Variants in MARK3 observed in about 807,000 individuals in gnomAD.
MARK3 encodes MAP/microtubule affinity-regulating kinase 3.
Under a neutral mutation model 90.1 loss-of-function variants are expected in MARK3, and 46 were observed. The observed-to-expected ratio is 0.51, with a 90% confidence interval of 0.40 to 0.65. The LOEUF (loss-of-function observed/expected upper bound fraction) is 0.65. MARK3 is among the 30% of genes least tolerant of loss of function. The pLI, the probability that MARK3 is intolerant of heterozygous loss-of-function variation, is 0.00. For synonymous variants in MARK3, 321 were observed against 332.6 expected (o/e 0.97, Z 0.38); for missense variants, 818 against 947.2 (o/e 0.86, Z 1.79).
chr14:103,391,098 T>C (rs767126276), intron 1 of MARK3, among the ~76,000 whole-genome samples: 2 of 152,254 alleles, frequency 1.3e-5, no homozygotes, highest in Non-Finnish European at 2.9e-5. Flanking sequence ...AGGGTGATTT[T>C]GCCCTCTAGT....
Position 103,481,757 on chromosome 14 carries a change from C to CTTTTTTTTTTTTTTTT in MARK3, c.1586+1279_1586+1294dup, listed in dbSNP as rs71126030. Among the ~76,000 whole-genome samples, 85 of 49,802 alleles carry CTTTTTTTTTTTTTTTT rather than the reference C, an allele frequency of 1.7e-3. 20 individuals carry two copies. The highest frequency in any genetic ancestry group is 2.6e-3 in the African/African-American group (30 of 11,528). The allele number at this position is 49,802 out of a possible 152,430, so 32.7% of individuals were successfully genotyped here. A position where few individuals can be genotyped will look rare whatever the true frequency, so the allele number is the denominator to read the frequency against. On this transcript the variant is annotated intron_variant, in intron 14 of 17. Coordinates refer to ENST00000429436, the MANE Select transcript of MARK3 (RefSeq NM_001128918.3). ...CAGATAATGATTGATATAGGTATTT[C>CTTTTTTTTTTTTTTTT]TTTTTTTTTTTTTTTTTTTTTTTTT... is the stretch of plus-strand genomic sequence containing the variant.
chr14:103,396,703 T>A (rs1336081710), intron 1 of MARK3, among the ~76,000 whole-genome samples: 1 of 152,114 alleles, frequency 6.6e-6, no homozygotes, highest in Middle Eastern at 3.2e-3. Flanking sequence ...TCTTGGGTGG[T>A]GCCTGGCCTG....
chr14:103,431,513 C>T (rs2092581765), intron 3 of MARK3, among the ~76,000 whole-genome samples: 1 of 152,148 alleles, frequency 6.6e-6, no homozygotes, highest in Non-Finnish European at 1.5e-5. Flanking sequence ...TGCTTATAAT[C>T]CCAGCTTCTC....
intron 2 of MARK3, among the ~76,000 whole-genome samples, chr14:103,409,246 A>G (rs1032738391): frequency 5.9e-5 from 9 of 152,004 alleles, no homozygotes; most frequent in South Asian, 2.1e-4. Context: ...GAGTTGAACA[A>G]TGAGAACACA....
At chr14:103,459,863 A>G (rs919434016) in intron 6 of MARK3, among the ~76,000 whole-genome samples, 3 of 151,552 alleles carry the variant, frequency 2.0e-5, no homozygotes, top group African/African-American at 7.3e-5. Context: ...TACTTTGACT[A>G]AGTAAAACAA....
intron 6 of MARK3, among the ~76,000 whole-genome samples, chr14:103,461,455 A>G (rs950941649): frequency 6.6e-6 from 1 of 152,218 alleles, no homozygotes; most frequent in African/African-American, 2.4e-5. Flanking sequence ...ATAAAAGCAT[A>G]CTATTTACTG....
At chr14:103,435,198 T>G (rs2092684753) in intron 3 of MARK3, among the ~76,000 whole-genome samples, 1 of 152,214 alleles carries the variant, frequency 6.6e-6, no homozygotes, top group Admixed American at 6.5e-5. Flanking sequence ...AAGCCAGTAC[T>G]TTTCAACCCT....
At chr14:103,462,310 T>C in intron 6 of MARK3, 95 bp from the exon 7 acceptor site, 1 of 831,196 alleles carries the variant, frequency 1.2e-6, no homozygotes, top group Non-Finnish European at 2.0e-6. Context: ...GAGCGTATAC[T>C]GAGTATTCAT....
Position 103,503,048 on chromosome 14 carries a change from C to G in MARK3, c.2083C>G (p.Arg695Gly), listed in dbSNP as rs776353754. ...TAACTGCGACTATGAGCAGAGGGAGCGCTTCTTGCTCTTCTGCGTCCACGG... is the reference window on the plus strand; with the variant it reads ...TAACTGCGACTATGAGCAGAGGGAGGGCTTCTTGCTCTTCTGCGTCCACGG... The part of the protein sequence containing the change: ...ANNCDYEQRE[R>G]FLLFCVHGDG... The change falls in exon 18 of 18, where the codon CGC (arginine) becomes GGC (glycine). Residue 695 changes from arginine to glycine, a missense_variant. By Grantham distance (125) the Arg-to-Gly change is moderately radical. Transcript: ENST00000429436. 1.2e-5 allele frequency: 19 copies of G among 1,614,096 alleles called. No homozygotes were observed. Among genetic ancestry groups the G allele is most frequent in the Non-Finnish European group, 1.5e-5 (18 of 1,180,050 alleles).
intron 1 of MARK3, among the ~76,000 whole-genome samples, chr14:103,395,231 A>G (rs547452800): frequency 2.0e-5 from 3 of 152,306 alleles, no homozygotes; most frequent in Non-Finnish European, 4.4e-5. Context: ...AGAAGGAACA[A>G]CATATAAAAG....
rs10525116 is a variant in MARK3, at chr14:103,467,674, C to CAAAAAAAAA, written c.1111-344_1111-336dup. 8.6e-3 allele frequency: 388 copies of CAAAAAAAAA among 44,908 alleles called. 88 individuals carry two copies. The highest frequency in any genetic ancestry group is 0.036 in the Middle Eastern group (2 of 56). 2.8% of individuals were successfully genotyped at this position (44,908 alleles called of 1,614,324 possible). ...TGGGTGACAGAGCGAGACTCTGTCTCAAAAAAAAAAAAAAAAAAAAAAAGA... is the reference window on the plus strand; with the variant it reads ...TGGGTGACAGAGCGAGACTCTGTCTCAAAAAAAAAAAAAAAAAAAAAAAAAAAAAAAAGA... On this transcript the variant is annotated intron_variant, in intron 11 of 17. Transcript: ENST00000429436.
At chr14:103,441,098 T>C (rs953270674) in intron 3 of MARK3, among the ~76,000 whole-genome samples, 1 of 152,148 alleles carries the variant, frequency 6.6e-6, no homozygotes, top group Admixed American at 6.5e-5. Flanking sequence ...TTTTTCTTAG[T>C]TATTTTAGGA....
At chr14:103,449,577 C>G (rs963667215) in intron 4 of MARK3, among the ~76,000 whole-genome samples, 21 of 152,020 alleles carry the variant, frequency 1.4e-4, no homozygotes, top group South Asian at 6.2e-4. Context: ...TTTTATAAAT[C>G]AAAGATTTGT....
chr14:103,387,150 G>A (rs753247838), intron 1 of MARK3, among the ~76,000 whole-genome samples: 14 of 152,214 alleles, frequency 9.2e-5, no homozygotes, highest in Non-Finnish European at 1.8e-4. Flanking sequence ...TGCTTTGAGT[G>A]TTTTCATGCT....
intron 3 of MARK3, among the ~76,000 whole-genome samples, chr14:103,431,983 T>TC (rs1332802590): frequency 6.6e-6 from 1 of 150,844 alleles, no homozygotes; most frequent in Non-Finnish European, 1.5e-5. Context: ...GTTTCCCCCC[T>TC]CCCACCTGAA....
intron 1 of MARK3, among the ~76,000 whole-genome samples, chr14:103,386,788 TA>T (rs1381503527): frequency 6.6e-6 from 1 of 152,200 alleles, no homozygotes; most frequent in Non-Finnish European, 1.5e-5. Flanking sequence ...TCCTCCTTCC[TA>T]AAAAGAGATT....
chr14:103,456,980 G>A (rs2093291400), intron 5 of MARK3, among the ~76,000 whole-genome samples, 162 bp from the exon 6 acceptor site: 2 of 152,172 alleles, frequency 1.3e-5, no homozygotes, highest in South Asian at 2.1e-4. Context: ...GAATTTAAAT[G>A]CCTGTAGTTA....
At chr14:103,423,366 A>G (rs2092294258) in intron 2 of MARK3, among the ~76,000 whole-genome samples, 1 of 152,074 alleles carries the variant, frequency 6.6e-6, no homozygotes, top group Non-Finnish European at 1.5e-5. Context: ...AGCCCATCTC[A>G]TGTATGAGCT....
intron 3 of MARK3, among the ~76,000 whole-genome samples, chr14:103,437,442 AGATT>A (rs1353230497): frequency 6.6e-6 from 1 of 152,002 alleles, no homozygotes; most frequent in Non-Finnish European, 1.5e-5. Context: ...TGTATTTTAG[AGATT>A]GATTGTTTGT....
Sources: gnomAD v4.1 joint callset for allele counts (sites outside exome capture counted in the v4.1 genomes callset) on GRCh38, gnomAD v4.1.1 for gene constraint, MANE v1.5 for transcripts, NCBI Gene and HGNC (gene_info 2026-07-23, HGNC 2026-07-21) for gene names.